The following CDH12 variants were observed in gnomAD, a reference collection of about 807,000 sequenced individuals.
CDH12 encodes the protein cadherin 12.
Under a neutral mutation model 74.1 loss-of-function variants are expected in CDH12, and 41 were observed. The ratio of observed to expected loss-of-function variants is 0.55; its 90% CI spans 0.43 to 0.72. The LOEUF (loss-of-function observed/expected upper bound fraction) is 0.72. Among genes scored for constraint, CDH12 ranks in the 30% least tolerant of loss-of-function variants. CDH12 has a pLI of 0.00. For missense variants in CDH12, 945 were observed against 977.2 expected, an observed-to-expected ratio of 0.97 and a Z score of 0.44; for synonymous variants, 399 against 355.0, an observed-to-expected ratio of 1.12 and a Z score of -1.39.
chr5:22,681,287 GT>G (rs931505985), intron 1 of CDH12, among the ~76,000 whole-genome samples: 21 of 148,352 alleles, frequency 1.4e-4, no homozygotes, highest in African/African-American at 3.2e-4. Flanking sequence ...CCCAGGAGCA[GT>G]TTTTTTTTCT....
chr5:22,411,036 T>C (rs2126472344), intron 2 of CDH12, among the ~76,000 whole-genome samples: 1 of 152,108 alleles, frequency 6.6e-6, no homozygotes, highest in East Asian at 1.9e-4. Flanking sequence ...GGGATAATTG[T>C]ACTCTACAAA....
intron 6 of CDH12, among the ~76,000 whole-genome samples, chr5:21,942,360 A>ATATATATATATATATG (rs1755374770): frequency 6.9e-6 from 1 of 144,948 alleles, no homozygotes; most frequent in African/African-American, 2.6e-5. Flanking sequence ...ACACACACAC[A>ATATATATATATATATG]CACACACACA....
intron 1 of CDH12, among the ~76,000 whole-genome samples, chr5:22,779,535 A>C (rs912431709): frequency 5.3e-5 from 8 of 152,164 alleles, no homozygotes; most frequent in Admixed American, 2.6e-4. Flanking sequence ...TGTGTCCCCA[A>C]CCAAATCTCA....
intron 3 of CDH12, among the ~76,000 whole-genome samples, chr5:22,360,629 A>G (rs540323561): frequency 7.9e-5 from 12 of 152,306 alleles, no homozygotes; most frequent in Admixed American, 4.6e-4. Context: ...ACAACAAAAA[A>G]AAGAGAATTT....
intron 3 of CDH12, among the ~76,000 whole-genome samples, chr5:22,402,085 C>A (rs1251662624): frequency 2.6e-5 from 4 of 152,138 alleles, no homozygotes; most frequent in Non-Finnish European, 4.4e-5. Context: ...GTTACGACAG[C>A]CCCAGGAAAG....
chr5:22,400,803 G>A (rs759627267), intron 3 of CDH12, among the ~76,000 whole-genome samples: 64 of 152,188 alleles, frequency 4.2e-4, no homozygotes, highest in Non-Finnish European at 7.8e-4. Flanking sequence ...TTCTATAAAT[G>A]TTAGTTGGCA....
intron 11 of CDH12, among the ~76,000 whole-genome samples, chr5:21,771,740 G>A (rs1357279883): frequency 6.6e-6 from 1 of 152,084 alleles, no homozygotes; most frequent in Non-Finnish European, 1.5e-5. Context: ...GAAAAGACCT[G>A]AAAAAGAAAG....
chr5:21,818,117 T>C (rs564450905), intron 8 of CDH12, among the ~76,000 whole-genome samples: 18 of 151,852 alleles, frequency 1.2e-4, no homozygotes, highest in African/African-American at 3.4e-4. Flanking sequence ...TGAGAGAAAA[T>C]AAAAATTAAG....
intron 5 of CDH12, among the ~76,000 whole-genome samples, chr5:21,995,766 T>C (rs1465389608): frequency 6.6e-6 from 1 of 151,938 alleles, no homozygotes; most frequent in African/African-American, 2.4e-5. Flanking sequence ...GGGAAACGCT[T>C]TGTGCTCAAC....
At chr5:22,371,607 T>C (rs936614904) in intron 3 of CDH12, among the ~76,000 whole-genome samples, 2 of 152,210 alleles carry the variant, frequency 1.3e-5, no homozygotes, top group Non-Finnish European at 2.9e-5. Flanking sequence ...TCTAAGGCTT[T>C]GAACAGGGCT....
intron 1 of CDH12, among the ~76,000 whole-genome samples, chr5:22,830,531 C>G (rs1419210097): frequency 1.3e-5 from 2 of 151,698 alleles, no homozygotes; most frequent in African/African-American, 4.8e-5. Context: ...GAGGCACTTT[C>G]TGCTTTTGAA....
chr5:21,953,195 C>G (rs1182088183), intron 6 of CDH12, among the ~76,000 whole-genome samples: 5 of 152,040 alleles, frequency 3.3e-5, no homozygotes, highest in African/African-American at 7.2e-5. Flanking sequence ...CCACTCTTAT[C>G]TGAACTCAGG....
chr5:21,897,770 A>T (rs1004014656), intron 6 of CDH12, among the ~76,000 whole-genome samples: 4 of 152,232 alleles, frequency 2.6e-5, no homozygotes, highest in Admixed American at 2.0e-4. Context: ...AAATGAATTT[A>T]AAAAATACAA....
chr5:22,520,870 G>T (rs188214504), intron 1 of CDH12, among the ~76,000 whole-genome samples: 1 of 152,094 alleles, frequency 6.6e-6, no homozygotes, highest in Admixed American at 6.6e-5. Flanking sequence ...TTAGTTACAC[G>T]TAAGTATATT....
chr5:22,107,332 A>G (rs1482032925), intron 4 of CDH12, among the ~76,000 whole-genome samples: 2 of 151,644 alleles, frequency 1.3e-5, no homozygotes, highest in African/African-American at 2.4e-5. Context: ...GAGTTTTACT[A>G]TGTTGGCCAG....
At chr5:22,549,161 TG>T (rs1738458154) in intron 1 of CDH12, among the ~76,000 whole-genome samples, 1 of 151,508 alleles carries the variant, frequency 6.6e-6, no homozygotes, top group Non-Finnish European at 1.5e-5. Flanking sequence ...TTTGTAGAGA[TG>T]AGGTTTCACT....
At chr5:22,396,674 G>T (rs1742475640) in intron 3 of CDH12, among the ~76,000 whole-genome samples, 1 of 152,074 alleles carries the variant, frequency 6.6e-6, no homozygotes, top group Non-Finnish European at 1.5e-5. Flanking sequence ...CAGCAAGCTT[G>T]TTCTGCCCAA....
At chr5:22,235,509 A>G (rs896453714) in intron 3 of CDH12, among the ~76,000 whole-genome samples, 4 of 151,874 alleles carry the variant, frequency 2.6e-5, no homozygotes, top group Non-Finnish European at 4.4e-5. Context: ...TGAACTTGGG[A>G]GATGGAAGTT....
intron 6 of CDH12, among the ~76,000 whole-genome samples, chr5:21,895,673 A>G (rs1369173539): frequency 6.6e-6 from 1 of 152,200 alleles, no homozygotes; most frequent in Non-Finnish European, 1.5e-5. Flanking sequence ...CAGAGCCCAG[A>G]GGAGCCACTG....
Sources: gnomAD v4.1 joint callset for allele counts (sites outside exome capture counted in the v4.1 genomes callset) on GRCh38, gnomAD v4.1.1 for gene constraint, MANE v1.5 for transcripts, NCBI Gene and HGNC (gene_info 2026-07-23, HGNC 2026-07-21) for gene names.